ATP6V1C2: variants seen among roughly 807,000 people sequenced by gnomAD.
ATP6V1C2 encodes V-type proton ATPase subunit C 2.
Under a neutral mutation model 56.8 loss-of-function variants are expected in ATP6V1C2, and 45 were observed. That is an observed-to-expected ratio of 0.79 (90% CI 0.62 to 1.02). The LOEUF (loss-of-function observed/expected upper bound fraction) is 1.02. Among genes scored for constraint, ATP6V1C2 ranks in the 50% least tolerant of loss-of-function variants. The pLI is 0.00. For synonymous variants in ATP6V1C2, 220 were observed against 201.3 expected, an observed-to-expected ratio of 1.09 and a Z score of -0.79; for missense variants, 463 against 519.7, an observed-to-expected ratio of 0.89 and a Z score of 1.06.
intron 5 of ATP6V1C2, among the ~76,000 whole-genome samples, chr2:10,767,660 G>A (rs1378304258): frequency 6.6e-6 from 1 of 152,076 alleles, no homozygotes; most frequent in African/African-American, 2.4e-5. Flanking sequence ...GTTTTACCAT[G>A]TTGGCCAGGC....
intron 4 of ATP6V1C2, among the ~76,000 whole-genome samples, chr2:10,755,021 T>G (rs934165847): frequency 5.3e-5 from 8 of 151,754 alleles, no homozygotes; most frequent in Admixed American, 2.0e-4. Context: ...CTAATATATA[T>G]AGATATATTT....
At chr2:10,777,525 A>AGG in intron 10 of ATP6V1C2, 60 bp from the exon 11 acceptor site, 1 of 1,585,092 alleles carries the variant, frequency 6.3e-7, no homozygotes, top group Non-Finnish European at 8.6e-7. Flanking sequence ...GATGAGAATG[A>AGG]TTTATTTGTT....
intron 13 of ATP6V1C2, among the ~76,000 whole-genome samples, chr2:10,782,604 G>A (rs892646531): frequency 2.6e-5 from 4 of 151,896 alleles, no homozygotes; most frequent in Admixed American, 6.6e-5. Context: ...AGGCCAAGGC[G>A]GGTGGATCAC....
chr2:10,759,573 G>T (rs1663774233), intron 4 of ATP6V1C2, among the ~76,000 whole-genome samples: 1 of 152,170 alleles, frequency 6.6e-6, no homozygotes, highest in Non-Finnish European at 1.5e-5. Context: ...CCTCAGCCAA[G>T]GTCTGCGTTG....
At chr2:10,745,087 C>T (rs1221265043) in intron 3 of ATP6V1C2, among the ~76,000 whole-genome samples, 1 of 145,892 alleles carries the variant, frequency 6.9e-6, no homozygotes, top group Non-Finnish European at 1.5e-5. Flanking sequence ...TCCTGTTGCC[C>T]AGGCTGGAGT....
intron 3 of ATP6V1C2, among the ~76,000 whole-genome samples, chr2:10,739,814 C>T (rs926827831): frequency 6.6e-6 from 1 of 151,572 alleles, no homozygotes; most frequent in African/African-American, 2.4e-5. Context: ...AAAACTTTAC[C>T]AATGGTCGGG....
At chr2:10,765,435 T>G (rs1054408118) in intron 5 of ATP6V1C2, among the ~76,000 whole-genome samples, 1 of 152,010 alleles carries the variant, frequency 6.6e-6, no homozygotes, top group Non-Finnish European at 1.5e-5. Flanking sequence ...TGTGGGAGAG[T>G]CTCGGCCTGG....
chr2:10,755,057 G>C (rs1172953369), intron 4 of ATP6V1C2, among the ~76,000 whole-genome samples: 2 of 151,524 alleles, frequency 1.3e-5, no homozygotes, highest in Admixed American at 6.6e-5. Context: ...TTCTCGTGTT[G>C]CCCAGGCTGG....
At chr2:10,728,962 C>CAAAA (rs1282538752) in intron 3 of ATP6V1C2, among the ~76,000 whole-genome samples, 3 of 112,750 alleles carry the variant, frequency 2.7e-5, no homozygotes, top group Non-Finnish European at 5.3e-5. Flanking sequence ...CATGAAAATA[C>CAAAA]AAAAAAAAAA....
intron 3 of ATP6V1C2, among the ~76,000 whole-genome samples, chr2:10,753,532 AT>A (rs540952695): frequency 0.043 from 5,879 of 136,794 alleles, 305 homozygotes; most frequent in African/African-American, 0.13. Flanking sequence ...GGCTATTAGC[AT>A]TTTTTTTTTT....
intron 8 of ATP6V1C2, among the ~76,000 whole-genome samples, chr2:10,772,857 C>CCCCACCTGGT (rs1664716625): frequency 1.3e-5 from 2 of 152,242 alleles, no homozygotes; most frequent in African/African-American, 2.4e-5. Flanking sequence ...CCCCACCTGG[C>CCCCACCTGGT]CGAGCAGCCT....
intron 9 of ATP6V1C2, 36 bp downstream of exon 9, chr2:10,774,916 C>T (rs768255117): frequency 5.0e-5 from 81 of 1,610,454 alleles, no homozygotes; most frequent in Middle Eastern, 1.6e-4. Flanking sequence ...TCTCCCGCTG[C>T]GGGGGGTCTC....
chr2:10,764,124 A>G (rs1356850670), intron 4 of ATP6V1C2, among the ~76,000 whole-genome samples: 1 of 152,194 alleles, frequency 6.6e-6, no homozygotes, highest in Non-Finnish European at 1.5e-5. Flanking sequence ...GAAACTGTCT[A>G]GTGCTTGGGC....
chr2:10,724,013 C>T (rs570245823), intron 2 of ATP6V1C2, among the ~76,000 whole-genome samples: 3 of 151,932 alleles, frequency 2.0e-5, no homozygotes, highest in East Asian at 2.0e-4. Context: ...CCACCTGCCT[C>T]GGCCTCCCAA....
chr2:10,778,579 T>G lies in ATP6V1C2; in HGVS notation c.971T>G (p.Leu324Arg), dbSNP rs747917559. ...RESEGEGEGP[L>R]LRWLKVNFSE... ...GCTCTTCTGTCTTTGCAGGGCCCCC[T>G]GCTGCGCTGGCTCAAGGTGAACTTC... Residue 324 changes from leucine (L) to arginine (R), a missense_variant, in exon 12 of 14, where the codon CTG becomes CGG. By Grantham distance (102) the Leu-to-Arg change is moderately radical. Transcript: ENST00000272238. 10 of 1,614,140 alleles carry G rather than the reference T, an allele frequency of 6.2e-6. No homozygotes were observed. The South Asian group carries it at 9.9e-5, about 16-fold the overall frequency.
intron 4 of ATP6V1C2, among the ~76,000 whole-genome samples, chr2:10,755,829 G>C (rs1663522304): frequency 6.6e-6 from 1 of 152,224 alleles, no homozygotes; most frequent in Non-Finnish European, 1.5e-5. Context: ...GCACCCTGAA[G>C]GCTTCCTGCA....
rs1665575049 is a variant in ATP6V1C2 at position 10,784,137 on chromosome 2, C to A, written c.*874C>A. 1.7e-6 allele frequency: 1 copy of A among 593,274 alleles called. No individual in the cohort carries two copies. Among genetic ancestry groups the A allele is most frequent in the Non-Finnish European group, 2.9e-6 (1 of 346,146 alleles). 36.8% of individuals were successfully genotyped at this position (593,274 alleles called of 1,614,324 possible). A position where few individuals can be genotyped will look rare whatever the true frequency, so the allele number is the denominator to read the frequency against. On this transcript the variant is annotated 3_prime_UTR_variant, in exon 14 of 14. Transcript: ENST00000272238. ...GTGTTTTCAAATGACCAATCAAGTA[C>A]TACTTCTTGGTTAAAAGGCCACTGG...
At position 10,746,467 on chromosome 2, in the gene ATP6V1C2, C is replaced by T. The variant is rs554947963; in HGVS notation, c.198-7514C>T. On this transcript the variant is annotated intron_variant, in intron 3 of 13. Transcript: ENST00000272238. ...TCCCTCTGTCACCCATGCTGGAATG[C>T]AGGGGCCCAATCTCAGTCCACTGCA... is the stretch of plus-strand genomic sequence containing the variant. 3.1e-4 allele frequency among the ~76,000 whole-genome samples: 47 copies of T among 149,910 alleles called. 1 individual carries two copies. The East Asian group carries it at 7.7e-3, about 25-fold the overall frequency.
At chr2:10,779,225 C>T (rs1469574370) in intron 12 of ATP6V1C2, among the ~76,000 whole-genome samples, 1 of 151,528 alleles carries the variant, frequency 6.6e-6, no homozygotes, top group Non-Finnish European at 1.5e-5. Flanking sequence ...CTGTCTCAGC[C>T]TCCCTAGTAG....
Sources: allele counts gnomAD v4.1 joint callset (sites outside exome capture counted in the v4.1 genomes callset), GRCh38; gene constraint gnomAD v4.1.1; transcripts MANE v1.5; gene names NCBI Gene and HGNC (gene_info 2026-07-23, HGNC 2026-07-21).